Variants in GRIK2 observed in about 807,000 individuals in gnomAD.
GRIK2 encodes the protein glutamate receptor ionotropic, kainate 2.
GRIK2 carries 32 observed loss-of-function variants against 100.3 expected under a neutral mutation model. The ratio of observed to expected loss-of-function variants is 0.32; its 90% CI spans 0.24 to 0.43. The LOEUF is 0.43. GRIK2 is among the 20% of genes least tolerant of loss of function. The pLI is 1.00. For missense variants in GRIK2, 843 were observed against 1,114.9 expected, an observed-to-expected ratio of 0.76 and a Z score of 3.47; for synonymous variants, 417 against 389.4, an observed-to-expected ratio of 1.07 and a Z score of -0.83.
At chr6:101,832,031 C>T (rs923390649) in intron 10 of GRIK2, among the ~76,000 whole-genome samples, 1 of 151,948 alleles carries the variant, frequency 6.6e-6, no homozygotes, top group African/African-American at 2.4e-5. Flanking sequence ...AGTTATCAGT[C>T]TTTATAAATG....
At position 101,889,633 on chromosome 6, in the gene GRIK2, T is replaced by C; in HGVS notation, c.1525-7T>C. On this transcript the variant is annotated splice_polypyrimidine_tract_variant and splice_region_variant and intron_variant, in intron 11 of 16. Transcript: ENST00000369134. ...TTTTTTTTTTTTTTGTTTGTTTCTGTCTACAGAAAGCTGACCTTGCAGTTG... is the reference window on the plus strand; with the variant it reads ...TTTTTTTTTTTTTTGTTTGTTTCTGCCTACAGAAAGCTGACCTTGCAGTTG... 1 of 1,386,276 alleles carries C rather than the reference T, an allele frequency of 7.2e-7. No individual in the cohort carries two copies. The highest frequency in any genetic ancestry group is 1.0e-6 in the Non-Finnish European group (1 of 1,000,708). 85.9% of individuals were successfully genotyped at this position (1,386,276 alleles called of 1,614,324 possible).
chr6:102,005,939 C>T (rs769107521), intron 14 of GRIK2, among the ~76,000 whole-genome samples: 5 of 152,034 alleles, frequency 3.3e-5, no homozygotes, highest in African/African-American at 1.2e-4. Context: ...CTTCTGCATG[C>T]ACACGTGTCC....
intron 10 of GRIK2, among the ~76,000 whole-genome samples, chr6:101,827,887 CAAAG>C (rs888860559): frequency 5.9e-5 from 9 of 151,830 alleles, no homozygotes; most frequent in Non-Finnish European, 4.4e-5. Context: ...AGGCAGAAAA[CAAAG>C]AAATTCTGCA....
chr6:101,889,692 T>C lies in GRIK2; in HGVS notation c.1577T>C (p.Val526Ala). The change falls in exon 12 of 17, where the codon GTC (valine) becomes GCC (alanine). Residue 526 changes from valine (V) to alanine (A), a missense_variant. Physicochemically the swap from Val to Ala is moderately conservative, Grantham distance 64. Coordinates refer to ENST00000369134, the MANE Select transcript of GRIK2 (RefSeq NM_021956.5). ...GCTATTACCTATGTTCGAGAGAAGGTCATCGACTTTTCCAAGCCCTTTATG... is the reference window on the plus strand; with the variant it reads ...GCTATTACCTATGTTCGAGAGAAGGCCATCGACTTTTCCAAGCCCTTTATG... The part of the protein sequence containing the change: ...PLAITYVREK[V>A]IDFSKPFMTL... 1 of 1,612,454 alleles carries C rather than the reference T, an allele frequency of 6.2e-7. No individual in the cohort carries two copies. Among genetic ancestry groups the C allele is most frequent in the Non-Finnish European group, 8.5e-7 (1 of 1,179,384 alleles).
At chr6:101,858,375 T>A (rs774901509) in intron 10 of GRIK2, among the ~76,000 whole-genome samples, 1 of 44,878 alleles carries the variant, frequency 2.2e-5, no homozygotes, top group Non-Finnish European at 5.9e-5. Flanking sequence ...TCTCTCTCTC[T>A]ATTTTTTTTT....
At chr6:101,658,958 T>C (rs1392442543) in intron 4 of GRIK2, among the ~76,000 whole-genome samples, 1 of 152,206 alleles carries the variant, frequency 6.6e-6, no homozygotes, top group East Asian at 1.9e-4. Flanking sequence ...GCAAAAATTT[T>C]CTCCCATTCT....
At chr6:101,553,408 G>T (rs1413005801) in intron 2 of GRIK2, among the ~76,000 whole-genome samples, 2 of 152,110 alleles carry the variant, frequency 1.3e-5, no homozygotes, top group Non-Finnish European at 2.9e-5. Context: ...TCTGATTCGT[G>T]AAGAATTATT....
chr6:101,840,697 C>T (rs1267345038), intron 10 of GRIK2, among the ~76,000 whole-genome samples: 1 of 152,094 alleles, frequency 6.6e-6, no homozygotes, highest in Admixed American at 6.5e-5. Flanking sequence ...AGGTGCCTAA[C>T]CTGGAATGAA....
At chr6:101,469,912 G>A (rs1016913014) in intron 2 of GRIK2, among the ~76,000 whole-genome samples, 1 of 152,082 alleles carries the variant, frequency 6.6e-6, no homozygotes, top group Admixed American at 6.5e-5. Flanking sequence ...AAAGCAAGAG[G>A]TGAGGGCAGG....
intron 14 of GRIK2, among the ~76,000 whole-genome samples, chr6:102,013,158 T>C (rs1289314416): frequency 2.6e-5 from 4 of 152,174 alleles, no homozygotes; most frequent in Non-Finnish European, 5.9e-5. Flanking sequence ...ACCTCCCTGA[T>C]TTGCTGTATT....
chr6:101,665,405 G>C (rs1240707678), intron 4 of GRIK2, among the ~76,000 whole-genome samples: 1 of 152,220 alleles, frequency 6.6e-6, no homozygotes, highest in Admixed American at 6.6e-5. Flanking sequence ...GCCAAGAGAA[G>C]CACAGCCACT....
chr6:101,678,346 GC>G (rs1770991515), intron 5 of GRIK2, among the ~76,000 whole-genome samples: 1 of 151,816 alleles, frequency 6.6e-6, no homozygotes, highest in East Asian at 1.9e-4. Context: ...TGCTTTGTTT[GC>G]AAAAGGAAAA....
At chr6:101,574,737 T>C (rs1777720422) in intron 2 of GRIK2, among the ~76,000 whole-genome samples, 1 of 151,854 alleles carries the variant, frequency 6.6e-6, no homozygotes, top group African/African-American at 2.4e-5. Context: ...AGAATGTGAA[T>C]CTAGAATGGC....
rs566491457 is a variant in GRIK2 at position 102,006,324 on chromosome 6, G to A, written c.2086-29017G>A. Reference sequence around the variant, plus strand: ...TTTCTTGGTACAATAGTTAGGAAATGTTAGTAGAAAGGGTATTTGATTTGA... The same window carrying A: ...TTTCTTGGTACAATAGTTAGGAAATATTAGTAGAAAGGGTATTTGATTTGA... On this transcript the variant is annotated intron_variant, in intron 14 of 16. Transcript: ENST00000369134. 3.2e-4 allele frequency among the ~76,000 whole-genome samples: 47 copies of A among 145,360 alleles called. 1 individual carries two copies. The South Asian group carries it at 9.1e-3, about 28-fold the overall frequency.
intron 2 of GRIK2, among the ~76,000 whole-genome samples, chr6:101,456,579 C>G (rs1389417530): frequency 6.6e-6 from 1 of 151,758 alleles, no homozygotes; most frequent in African/African-American, 2.4e-5. Context: ...AGTAAATGCT[C>G]AAAAAGTTTT....
chr6:101,479,569 G>A (rs1469933448), intron 2 of GRIK2, among the ~76,000 whole-genome samples: 3 of 152,044 alleles, frequency 2.0e-5, no homozygotes, highest in Non-Finnish European at 4.4e-5. Context: ...AGCTTTTACT[G>A]ATTAAGTTAT....
At chr6:101,466,195 C>A (rs1771636646) in intron 2 of GRIK2, among the ~76,000 whole-genome samples, 1 of 152,070 alleles carries the variant, frequency 6.6e-6, no homozygotes, top group South Asian at 2.1e-4. Flanking sequence ...AAACTTCATT[C>A]TTCCACTGAA....
At chr6:102,055,296 C>T in intron 15 of GRIK2, 34 bp from the exon 16 acceptor site, 1 of 1,538,238 alleles carries the variant, frequency 6.5e-7, no homozygotes, top group South Asian at 1.2e-5. Context: ...TTTCAGGTTC[C>T]TTGAAATACT....
chr6:101,831,640 T>C (rs1443633215), intron 10 of GRIK2, among the ~76,000 whole-genome samples: 1 of 152,128 alleles, frequency 6.6e-6, no homozygotes, highest in African/African-American at 2.4e-5. Flanking sequence ...CAACTGTTAT[T>C]ATTATTTATA....
Sources: allele counts gnomAD v4.1 joint callset (sites outside exome capture counted in the v4.1 genomes callset), GRCh38; gene constraint gnomAD v4.1.1; transcripts MANE v1.5; gene names NCBI Gene and HGNC (gene_info 2026-07-23, HGNC 2026-07-21).